Variants in SRC observed in about 807,000 individuals in gnomAD.
SRC encodes the protein SRC proto-oncogene, non-receptor tyrosine kinase, also known as proto-oncogene tyrosine-protein kinase Src.
SRC carries 13 observed loss-of-function variants against 62.9 expected under a neutral mutation model. That is an observed-to-expected ratio of 0.21 (90% CI 0.13 to 0.33). The LOEUF (loss-of-function observed/expected upper bound fraction) is 0.33, where lower values mean the gene tolerates loss of function less well. Ranked by LOEUF, SRC falls within the 10% of genes least tolerant of loss-of-function variation. SRC has a pLI of 1.00. For synonymous variants in SRC, 302 were observed against 317.5 expected (o/e 0.95, Z 0.52); for missense variants, 457 against 737.3 (o/e 0.62, Z 4.40).
At chr20:37,381,195 C>A (rs1479521889) in intron 2 of SRC, among the ~76,000 whole-genome samples, 3 of 152,130 alleles carry the variant, frequency 2.0e-5, no homozygotes, top group Admixed American at 2.0e-4. Flanking sequence ...CACTTGGTGG[C>A]TCAGGACCTT....
At chr20:37,395,497 AG>A (rs2070630350) in intron 7 of SRC, among the ~76,000 whole-genome samples, 1 of 152,220 alleles carries the variant, frequency 6.6e-6, no homozygotes, top group African/African-American at 2.4e-5. Context: ...TCCGGCCAAA[AG>A]CTTTTCTATG....
chr20:37,382,069 G>T (rs1162058593), intron 2 of SRC, among the ~76,000 whole-genome samples: 1 of 152,178 alleles, frequency 6.6e-6, no homozygotes, highest in Admixed American at 6.5e-5. Context: ...AAACAGCCTT[G>T]CCCGAGGACC....
rs973129150 is a variant in SRC, at chr20:37,404,502, A to G, written c.*1123A>G. ...CCGTACTTTGTCCCGTGGCATTTCA[A>G]TTCCTGGCCCTGTTCTCCTCCCCAA... On this transcript the variant is annotated 3_prime_UTR_variant, in exon 14 of 14. Transcript: ENST00000373578. 2.6e-5 allele frequency: 6 copies of G among 233,684 alleles called. No homozygotes were observed. The highest frequency in any genetic ancestry group is 1.1e-4 in the Admixed American group (2 of 17,802). 14.5% of individuals were successfully genotyped at this position (233,684 alleles called of 1,614,324 possible). A position where few individuals can be genotyped will look rare whatever the true frequency, so the allele number is the denominator to read the frequency against.
At chr20:37,363,258 A>T (rs1600966214) in intron 1 of SRC, among the ~76,000 whole-genome samples, 1 of 152,268 alleles carries the variant, frequency 6.6e-6, no homozygotes, top group East Asian at 1.9e-4. Flanking sequence ...CGTGACTTGC[A>T]TTGAACATAT....
intron 2 of SRC, among the ~76,000 whole-genome samples, chr20:37,378,057 A>T (rs6018161): frequency 0.19 from 28,691 of 150,834 alleles, 3,496 homozygotes; most frequent in African/African-American, 0.34. Flanking sequence ...AGTTTTTTTT[A>T]AAATTATTAT....
chr20:37,400,059 CTG>C, intron 9 of SRC, 54 bp from the exon 10 acceptor site: 8 of 1,507,040 alleles, frequency 5.3e-6, no homozygotes, highest in African/African-American at 1.4e-5. Context: ...TCCTGGATCC[CTG>C]TGTGGTAGGA....
intron 1 of SRC, among the ~76,000 whole-genome samples, chr20:37,355,184 C>T (rs889555318): frequency 1.3e-5 from 2 of 152,132 alleles, no homozygotes. Context: ...ACTCCCCTGC[C>T]CTCTAAACTT....
At chr20:37,369,916 C>T (rs1335826630) in intron 2 of SRC, among the ~76,000 whole-genome samples, 2 of 152,112 alleles carry the variant, frequency 1.3e-5, no homozygotes, top group African/African-American at 2.4e-5. Flanking sequence ...TCTCCTGCCT[C>T]GGCCTCCTGA....
chr20:37,370,313 G>T (rs887183825), intron 2 of SRC, among the ~76,000 whole-genome samples: 3 of 152,172 alleles, frequency 2.0e-5, no homozygotes, highest in Non-Finnish European at 4.4e-5. Context: ...GGTACCTCAC[G>T]CCTGTAATCC....
At chr20:37,399,066 A>G (rs2070699859) in intron 9 of SRC, among the ~76,000 whole-genome samples, 1 of 152,262 alleles carries the variant, frequency 6.6e-6, no homozygotes, top group South Asian at 2.1e-4. Context: ...AGAAAAGCAG[A>G]TAGTAGTGAA....
Position 37,384,207 on chromosome 20 carries a change from G to T in SRC, c.54G>T (p.Leu18=). The T allele has an allele frequency of 6.3e-7, 1 of 1,596,100 alleles. No individual in the cohort carries two copies. Among genetic ancestry groups the T allele is most frequent in the Non-Finnish European group, 8.5e-7 (1 of 1,175,816 alleles). The change falls in exon 4 of 14, where the codon CTG becomes CTT. Residue 18 remains leucine (L), a synonymous_variant. Coordinates refer to ENST00000373578, the MANE Select transcript of SRC (RefSeq NM_198291.3). This position sits in a 1 kb window ranked among gnomAD's most constrained non-coding sequence, Gnocchi z 6.7. Reference sequence around the variant, plus strand: ...ATGCCAGCCAGCGGCGCCGCAGCCTGGAGCCCGCCGAGAACGTGCACGGCG... The same window carrying T: ...ATGCCAGCCAGCGGCGCCGCAGCCTTGAGCCCGCCGAGAACGTGCACGGCG... The part of the protein sequence containing the change: ...PKDASQRRRS[L]EPAENVHGAG...
intron 1 of SRC, among the ~76,000 whole-genome samples, chr20:37,348,658 T>A (rs534437937): frequency 4.9e-4 from 75 of 152,204 alleles, no homozygotes; most frequent in African/African-American, 1.8e-3. Flanking sequence ...TGGGGTGTGG[T>A]CAGCCTGGTT....
At chr20:37,370,990 CT>C (rs200689108) in intron 2 of SRC, among the ~76,000 whole-genome samples, 149 of 84,178 alleles carry the variant, frequency 1.8e-3, no homozygotes, top group Non-Finnish European at 1.9e-3. Flanking sequence ...TCTTCTTCTT[CT>C]TTTTTTTTTT....
chr20:37,377,700 C>T (rs1444336124), intron 2 of SRC, among the ~76,000 whole-genome samples: 20 of 152,146 alleles, frequency 1.3e-4, no homozygotes, highest in Admixed American at 1.3e-3. Context: ...TGATGGGAAG[C>T]TCTTGAATAT....
chr20:37,392,443 G>C (rs1369638585), intron 5 of SRC, among the ~76,000 whole-genome samples: 1 of 152,236 alleles, frequency 6.6e-6, no homozygotes, highest in African/African-American at 2.4e-5. Flanking sequence ...TTCATGTTCA[G>C]ATTGTGTGAC....
chr20:37,382,827 G>A (rs2070385602), intron 3 of SRC, 41 bp downstream of exon 3: 1 of 152,276 alleles, frequency 6.6e-6, no homozygotes, highest in Non-Finnish European at 1.5e-5. Context: ...TGGGTGGGGA[G>A]ATCCCAGCGA....
Position 37,394,237 on chromosome 20 carries a change from G to A in SRC, c.513G>A (p.Pro171=), listed in dbSNP as rs752753142. 6 of 1,613,946 alleles carry A rather than the reference G, an allele frequency of 3.7e-6. No homozygotes were observed. The highest frequency in any genetic ancestry group is 1.7e-5 in the Admixed American group (1 of 60,008). Reference sequence around the variant, plus strand: ...GGTTACTGCTCAATGCAGAGAACCCGAGAGGGACCTTCCTCGTGCGAGAAA... The same window carrying A: ...GGTTACTGCTCAATGCAGAGAACCCAAGAGGGACCTTCCTCGTGCGAGAAA... ...SERLLLNAEN[P]RGTFLVRESE... The change falls in exon 7 of 14, where the codon CCG becomes CCA. Residue 171 remains proline, a synonymous_variant. Coordinates refer to ENST00000373578, the MANE Select transcript of SRC (RefSeq NM_198291.3).
intron 1 of SRC, among the ~76,000 whole-genome samples, chr20:37,360,922 C>T (rs1337814181): frequency 6.6e-6 from 1 of 152,178 alleles, no homozygotes; most frequent in African/African-American, 2.4e-5. Flanking sequence ...CCCAAGGTCA[C>T]ACAGCAAGGA....
intron 2 of SRC, among the ~76,000 whole-genome samples, chr20:37,380,668 G>A (rs990798913): frequency 6.6e-6 from 1 of 152,128 alleles, no homozygotes; most frequent in Non-Finnish European, 1.5e-5. Flanking sequence ...TGTCAGGCCC[G>A]TCCTGGTCTC....
Sources: gnomAD v4.1 joint callset for allele counts (sites outside exome capture counted in the v4.1 genomes callset) on GRCh38, gnomAD v4.1.1 for gene constraint, Gnocchi (gnomAD v3.1) non-coding constraint, MANE v1.5 for transcripts, NCBI Gene and HGNC (gene_info 2026-07-23, HGNC 2026-07-21) for gene names.